Variants in BBS9 observed in about 807,000 individuals in gnomAD.
The protein encoded by BBS9 is protein PTHB1.
A neutral mutation model predicts 117.7 loss-of-function variants in BBS9; 89 were observed. The observed-to-expected ratio is 0.76, with a 90% CI of 0.64 to 0.90. The LOEUF (loss-of-function observed/expected upper bound fraction) is 0.90, where lower values mean the gene tolerates loss of function less well. BBS9 is among the 40% of genes least tolerant of loss of function. The pLI is 0.00. For missense variants in BBS9, 982 were observed against 1,042.2 expected, an observed-to-expected ratio of 0.94 and a Z score of 0.80; for synonymous variants, 379 against 370.9, an observed-to-expected ratio of 1.02 and a Z score of -0.25.
intron 9 of BBS9, among the ~76,000 whole-genome samples, chr7:33,303,200 T>A (rs562425207): frequency 6.6e-6 from 1 of 152,326 alleles, no homozygotes; most frequent in African/African-American, 2.4e-5. Flanking sequence ...AAGATCTTAT[T>A]GTCTGCCAAT....
intron 5 of BBS9, among the ~76,000 whole-genome samples, chr7:33,251,527 G>A (rs1257199637): frequency 1.3e-5 from 2 of 152,156 alleles, no homozygotes; most frequent in Non-Finnish European, 2.9e-5. Flanking sequence ...GGGGAGAAAA[G>A]TTAAAGGATC....
At chr7:33,554,305 T>TG (rs1286744976) in intron 21 of BBS9, among the ~76,000 whole-genome samples, 1 of 152,066 alleles carries the variant, frequency 6.6e-6, no homozygotes, top group Non-Finnish European at 1.5e-5. Context: ...GGCTGCTATG[T>TG]GGGGAATGTT....
intron 21 of BBS9, among the ~76,000 whole-genome samples, chr7:33,580,925 T>A (rs949513163): frequency 5.3e-5 from 8 of 152,162 alleles, no homozygotes; most frequent in African/African-American, 1.7e-4. Flanking sequence ...ACCACATCAT[T>A]TAGAACAGAA....
rs748074072 is a variant in BBS9, at chr7:33,367,801, T to C, written c.1728T>C (p.Asn576=). ...FASQSDDDQV[N]VMGFHFLGGA... is the part of the protein sequence containing the mutation. ...GTCAGTCAGATGATGATCAGGTGAA[T>C]GTAATGGGTTTTCACTTCTTAGGAG... Residue 576 remains asparagine (N), a synonymous_variant, in exon 17 of 23, where the codon AAT becomes AAC. Transcript: ENST00000242067. The C allele has an allele frequency of 6.2e-7, 1 of 1,613,944 alleles. No homozygotes were observed. The highest frequency in any genetic ancestry group is 8.5e-7 in the Non-Finnish European group (1 of 1,179,876).
intron 9 of BBS9, among the ~76,000 whole-genome samples, chr7:33,294,994 A>G (rs1224352378): frequency 6.6e-6 from 1 of 152,130 alleles, no homozygotes; most frequent in East Asian, 1.9e-4. Flanking sequence ...GACCAGTACA[A>G]TCTTTTATTT....
At chr7:33,399,430 C>T (rs1828551563) in intron 19 of BBS9, among the ~76,000 whole-genome samples, 1 of 152,134 alleles carries the variant, frequency 6.6e-6, no homozygotes, top group Non-Finnish European at 1.5e-5. Context: ...TGTCAACAGA[C>T]TTGAGTCCTA....
chr7:33,349,408 C>T (rs1434343997), intron 13 of BBS9: 1 of 522,730 alleles, frequency 1.9e-6, no homozygotes, highest in Non-Finnish European at 3.7e-6. Flanking sequence ...CTTTTCTGAA[C>T]TTGTTGGACC....
At chr7:33,527,205 G>C (rs927701280) in intron 20 of BBS9, among the ~76,000 whole-genome samples, 8 of 152,192 alleles carry the variant, frequency 5.3e-5, no homozygotes, top group African/African-American at 1.7e-4. Flanking sequence ...CTTTTTGTTT[G>C]TCTGTGCCCT....
chr7:33,635,180 C>G (rs1866084748), exon 22 of BBS9, among the ~76,000 whole-genome samples: 1 of 152,038 alleles, frequency 6.6e-6, no homozygotes, highest in Admixed American at 6.6e-5. Flanking sequence ...TTCACAGACC[C>G]CAGGACTGGA....
At chr7:33,359,299 A>T (rs935925401) in intron 16 of BBS9, among the ~76,000 whole-genome samples, 6 of 152,054 alleles carry the variant, frequency 3.9e-5, no homozygotes, top group Non-Finnish European at 5.9e-5. Context: ...GGAAGGGTTG[A>T]TCTTTACTGT....
chr7:33,482,173 A>G (rs1262189807), intron 19 of BBS9, among the ~76,000 whole-genome samples: 4 of 152,168 alleles, frequency 2.6e-5, no homozygotes, highest in African/African-American at 9.7e-5. Context: ...GAGAATGGGA[A>G]CATACTGTTT....
At chr7:33,586,494 T>C (rs1860915154) in intron 21 of BBS9, among the ~76,000 whole-genome samples, 1 of 152,080 alleles carries the variant, frequency 6.6e-6, no homozygotes, top group African/African-American at 2.4e-5. Flanking sequence ...TGGAGATTTC[T>C]CAGAGAACTG....
chr7:33,625,521 C>A (rs1865596679), intron 21 of BBS9, among the ~76,000 whole-genome samples: 1 of 152,136 alleles, frequency 6.6e-6, no homozygotes, highest in Non-Finnish European at 1.5e-5. Context: ...ACTACTGATC[C>A]TCTGGATTTT....
intron 21 of BBS9, among the ~76,000 whole-genome samples, chr7:33,620,094 G>C (rs1166797646): frequency 6.6e-6 from 1 of 151,898 alleles, no homozygotes; most frequent in Non-Finnish European, 1.5e-5. Context: ...CAAACCTTTA[G>C]CTAGAGTAAG....
chr7:33,565,809 A>ATG (rs1554539680), intron 21 of BBS9, among the ~76,000 whole-genome samples: 532 of 49,476 alleles, frequency 0.011, 16 homozygotes, highest in Admixed American at 0.024. Flanking sequence ...ATATATATAT[A>ATG]TATATATATA....
intron 20 of BBS9, among the ~76,000 whole-genome samples, chr7:33,515,258 A>G (rs144927206): frequency 0.01 from 1,552 of 152,366 alleles, 15 homozygotes; most frequent in Middle Eastern, 0.037. Flanking sequence ...CTGAATAAGA[A>G]GAAAGATACA....
At chr7:33,609,381 C>G (rs1486792478), downstream of BBS9, among the ~76,000 whole-genome samples, 1 of 152,062 alleles carries the variant, frequency 6.6e-6, no homozygotes, top group Non-Finnish European at 1.5e-5. Flanking sequence ...TTAGACAATC[C>G]AAAGTCTGCT....
chr7:33,324,207 T>G (rs1218728881), intron 9 of BBS9, among the ~76,000 whole-genome samples: 2 of 152,190 alleles, frequency 1.3e-5, no homozygotes, highest in African/African-American at 2.4e-5. Context: ...CTTTATTTTT[T>G]GTGTCCCTGT....
intron 9 of BBS9, among the ~76,000 whole-genome samples, chr7:33,290,984 G>A (rs913196729): frequency 6.6e-6 from 1 of 152,066 alleles, no homozygotes; most frequent in Non-Finnish European, 1.5e-5. Context: ...TTTCAGTTCA[G>A]TAAATATACC....
Sources: allele counts gnomAD v4.1 joint callset (sites outside exome capture counted in the v4.1 genomes callset), GRCh38; gene constraint gnomAD v4.1.1; transcripts MANE v1.5; gene names NCBI Gene and HGNC (gene_info 2026-07-23, HGNC 2026-07-21).